The following DIS3L2 variants were observed in gnomAD, a reference collection of about 807,000 sequenced individuals.
The protein encoded by DIS3L2 is DIS3-like exonuclease 2.
A neutral mutation model predicts 97.5 loss-of-function variants in DIS3L2; 34 were observed. The observed-to-expected ratio is 0.35, with a 90% CI of 0.27 to 0.46. DIS3L2 has a LOEUF of 0.46. Ranked by LOEUF, DIS3L2 falls within the 20% of genes least tolerant of loss-of-function variation. DIS3L2 has a pLI of 1.00. For synonymous variants in DIS3L2, 435 were observed against 445.2 expected, an observed-to-expected ratio of 0.98 and a Z score of 0.29; for missense variants, 1,038 against 1,146.0, an observed-to-expected ratio of 0.91 and a Z score of 1.36.
chr2:232,344,325 G>A (rs889931453), exon 14 of DIS3L2: 5 of 152,212 alleles, frequency 3.3e-5, no homozygotes, highest in East Asian at 1.9e-4. Context: ...GGGCTGCTTC[G>A]TATTTGAAAC....
At chr2:232,196,028 G>A (rs554735012) in intron 9 of DIS3L2, among the ~76,000 whole-genome samples, 3 of 152,236 alleles carry the variant, frequency 2.0e-5, no homozygotes, top group Non-Finnish European at 4.4e-5. Flanking sequence ...CAGCTTGGAG[G>A]TTAAAGGCAA....
chr2:232,279,317 G>A (rs1694223038), intron 13 of DIS3L2, among the ~76,000 whole-genome samples: 1 of 152,192 alleles, frequency 6.6e-6, no homozygotes, highest in Non-Finnish European at 1.5e-5. Flanking sequence ...TGTGGTGATA[G>A]GTGCATAGTG....
chr2:232,329,785 T>TGCCCGGGGGGGGGCC, intron 14 of DIS3L2, 28 bp from the exon 15 acceptor site: 299 of 967,042 alleles, frequency 3.1e-4, no homozygotes, highest in Non-Finnish European at 3.9e-4. Context: ...ACCCCAGCGG[T>TGCCCGGGGGGGGGCC]CCCTCCCATC....
At chr2:232,100,116 A>C (rs890997761) in intron 6 of DIS3L2, among the ~76,000 whole-genome samples, 2 of 150,732 alleles carry the variant, frequency 1.3e-5, no homozygotes, top group African/African-American at 2.4e-5. Context: ...GCTCACTGCA[A>C]CCTCTGCCTG....
chr2:232,335,582 C>T, intron 19 of DIS3L2, 191 bp from the exon 20 acceptor site: 1 of 634,294 alleles, frequency 1.6e-6, no homozygotes, highest in Non-Finnish European at 2.8e-6. Flanking sequence ...ACCCCTGGCC[C>T]TTGGTCACTC....
chr2:232,285,360 G>A (rs1399543267), intron 13 of DIS3L2, among the ~76,000 whole-genome samples: 3 of 152,174 alleles, frequency 2.0e-5, no homozygotes, highest in Non-Finnish European at 4.4e-5. Flanking sequence ...CCTGGAGGGA[G>A]CCCACCCAGG....
intron 14 of DIS3L2, among the ~76,000 whole-genome samples, chr2:232,310,018 C>T (rs750278101): frequency 6.6e-6 from 1 of 152,214 alleles, no homozygotes; most frequent in East Asian, 1.9e-4. Context: ...CAACTTCAAA[C>T]CAGCACCAAC....
chr2:232,246,792 A>G (rs996880535), intron 11 of DIS3L2, among the ~76,000 whole-genome samples: 3 of 152,272 alleles, frequency 2.0e-5, no homozygotes, highest in African/African-American at 7.2e-5. Context: ...AACATATAGA[A>G]ACAGATCAGG....
At chr2:232,030,507 G>T (rs1694776220) in intron 5 of DIS3L2, among the ~76,000 whole-genome samples, 1 of 152,160 alleles carries the variant, frequency 6.6e-6, no homozygotes, top group Non-Finnish European at 1.5e-5. Context: ...GAGTTCTGTT[G>T]GCCCAGTTTG....
At chr2:232,250,874 A>G (rs935253553) in intron 12 of DIS3L2, among the ~76,000 whole-genome samples, 1 of 152,070 alleles carries the variant, frequency 6.6e-6, no homozygotes, top group African/African-American at 2.4e-5. Flanking sequence ...CTGAATAGTG[A>G]GGAATAAAAA....
downstream of DIS3L2, chr2:232,340,650 T>C: frequency 2.1e-6 from 1 of 467,314 alleles, no homozygotes; most frequent in South Asian, 1.6e-5. Flanking sequence ...AGGCCAGAGA[T>C]GGGAAGACTC....
intron 5 of DIS3L2, among the ~76,000 whole-genome samples, chr2:232,056,254 A>G (rs1207158045): frequency 6.6e-6 from 1 of 151,818 alleles, no homozygotes; most frequent in Non-Finnish European, 1.5e-5. Context: ...GCCTGTAGTC[A>G]CAGCTACTCA....
chr2:232,249,355 T>A lies in DIS3L2; in HGVS notation c.1425+9T>A. The A allele has an allele frequency of 6.2e-7, 1 of 1,613,386 alleles. No homozygotes were observed. The highest frequency in any genetic ancestry group is 8.5e-7 in the Non-Finnish European group (1 of 1,179,590). ...TGACTCCAGAGGGCAAGGTAACAAC[T>A]TACACGTTTTCTTTCTCCACTTACC... is the stretch of plus-strand genomic sequence containing the variant. On this transcript the variant is annotated intron_variant, in intron 12 of 20. Transcript: ENST00000325385.
chr2:232,149,214 T>C (rs545089324), intron 8 of DIS3L2, among the ~76,000 whole-genome samples: 10 of 148,578 alleles, frequency 6.7e-5, no homozygotes, highest in South Asian at 6.3e-4. Flanking sequence ...TTTTTTATTA[T>C]ATTCTAAGTT....
At chr2:232,184,230 A>G (rs770583122) in intron 9 of DIS3L2, among the ~76,000 whole-genome samples, 10 of 152,204 alleles carry the variant, frequency 6.6e-5, no homozygotes, top group Non-Finnish European at 1.3e-4. Context: ...TGCGAGTCCC[A>G]CTGATGTGAC....
intron 3 of DIS3L2, among the ~76,000 whole-genome samples, chr2:232,017,310 G>T (rs1364915799): frequency 6.6e-6 from 1 of 152,058 alleles, no homozygotes; most frequent in East Asian, 1.9e-4. Context: ...TGTTGGCCAG[G>T]CTGGTCTTCA....
Position 232,037,368 on chromosome 2 carries a change from A to G in DIS3L2, c.366+7288A>G, listed in dbSNP as rs571777366. 6.6e-6 allele frequency among the ~76,000 whole-genome samples: 1 copy of G among 152,242 alleles called. No homozygotes were observed. Among genetic ancestry groups the G allele is most frequent in the South Asian group, 2.1e-4 (1 of 4,812 alleles). ...AAAACCGCCTACTTAAGCCTCCGTA[A>G]TGGCAGACGCCCCTCCCCACCAAGC... is the stretch of plus-strand genomic sequence containing the variant. On this transcript the variant is annotated intron_variant, in intron 5 of 20. Coordinates refer to ENST00000325385, the MANE Select transcript of DIS3L2 (RefSeq NM_152383.5). This position sits in a 1 kb window ranked among gnomAD's most constrained non-coding sequence, Gnocchi z 4.6.
chr2:232,065,365 A>G (rs1046699226), intron 5 of DIS3L2, among the ~76,000 whole-genome samples: 1 of 151,328 alleles, frequency 6.6e-6, no homozygotes, highest in Non-Finnish European at 1.5e-5. Context: ...TTTTTGGTCT[A>G]TTGTCCATTT....
intron 6 of DIS3L2, among the ~76,000 whole-genome samples, chr2:232,122,765 A>G (rs1341698804): frequency 1.3e-5 from 2 of 152,110 alleles, no homozygotes; most frequent in African/African-American, 4.8e-5. Context: ...AACAACAACA[A>G]CAAAAACATT....
Sources: gnomAD v4.1 joint callset for allele counts (sites outside exome capture counted in the v4.1 genomes callset) on GRCh38, gnomAD v4.1.1 for gene constraint, Gnocchi (gnomAD v3.1) non-coding constraint, MANE v1.5 for transcripts, NCBI Gene and HGNC (gene_info 2026-07-23, HGNC 2026-07-21) for gene names.